The following TFEC variants were observed in gnomAD, a reference collection of about 807,000 sequenced individuals.
The protein encoded by TFEC is class E basic helix-loop-helix protein 34.
Under a neutral mutation model 41.6 loss-of-function variants are expected in TFEC, and 31 were observed. The ratio of observed to expected loss-of-function variants is 0.74; its 90% CI spans 0.56 to 1.01. TFEC has a LOEUF of 1.01. TFEC is among the 50% of genes least tolerant of loss of function. The pLI, the probability that TFEC is intolerant of heterozygous loss-of-function variation, is 0.00. For synonymous variants in TFEC, 143 were observed against 140.6 expected, an observed-to-expected ratio of 1.02 and a Z score of -0.12; for missense variants, 402 against 404.1, an observed-to-expected ratio of 0.99 and a Z score of 0.04.
intron 1 of TFEC, among the ~76,000 whole-genome samples, chr7:116,114,460 A>T (rs931891334): frequency 6.6e-6 from 1 of 152,034 alleles, no homozygotes; most frequent in Non-Finnish European, 1.5e-5. Flanking sequence ...GCCCATGACA[A>T]TTTGCAAAGG....
intron 1 of TFEC, among the ~76,000 whole-genome samples, chr7:116,144,208 T>C (rs1237344075): frequency 7.8e-6 from 1 of 128,230 alleles, no homozygotes; most frequent in Non-Finnish European, 1.6e-5. Context: ...AGAGTGAGAC[T>C]CCATCAAAAA....
chr7:116,133,229 A>T (rs980120624), intron 1 of TFEC, among the ~76,000 whole-genome samples: 19 of 146,600 alleles, frequency 1.3e-4, no homozygotes, highest in Non-Finnish European at 1.8e-4. Flanking sequence ...CGTGTTATGT[A>T]CCAAACGAAA....
At chr7:116,148,069 G>T (rs1041540764) in intron 1 of TFEC, among the ~76,000 whole-genome samples, 1 of 152,196 alleles carries the variant, frequency 6.6e-6, no homozygotes, top group Non-Finnish European at 1.5e-5. Flanking sequence ...GATTCATAAA[G>T]AAGGCGAGAT....
chr7:115,967,253 T>C (rs1382140681), intron 3 of TFEC, among the ~76,000 whole-genome samples: 1 of 151,730 alleles, frequency 6.6e-6, no homozygotes, highest in Non-Finnish European at 1.5e-5. Context: ...ATATATTTAA[T>C]ATGAGTGTCA....
intron 1 of TFEC, among the ~76,000 whole-genome samples, chr7:116,004,651 C>T (rs140830283): frequency 6.8e-4 from 103 of 152,178 alleles, no homozygotes; most frequent in African/African-American, 2.4e-3. Context: ...ATGCTTAGAT[C>T]CATTAACCAA....
At chr7:116,035,781 A>G (rs1472456181), upstream of TFEC, among the ~76,000 whole-genome samples, 1 of 152,046 alleles carries the variant, frequency 6.6e-6, no homozygotes, top group Non-Finnish European at 1.5e-5. Context: ...TTCTTAATAA[A>G]CACTTTTAGG....
intron 3 of TFEC, among the ~76,000 whole-genome samples, chr7:115,965,009 G>T (rs889471928): frequency 6.6e-6 from 1 of 151,598 alleles, no homozygotes; most frequent in Non-Finnish European, 1.5e-5. Flanking sequence ...GTTGTCAAGT[G>T]TGGTAACAAC....
rs118124221 is a variant in TFEC at position 115,966,827 on chromosome 7, C to T, written c.267+7343G>A. On this transcript the variant is annotated intron_variant, in intron 3 of 7. Coordinates refer to ENST00000265440, the MANE Select transcript of TFEC (RefSeq NM_012252.4). ...TGTCCCCATTCCTTCAATAAGCATCCAAATCTAAGGCTCAACGTTGGGAAA... is the reference window on the plus strand; with the variant it reads ...TGTCCCCATTCCTTCAATAAGCATCTAAATCTAAGGCTCAACGTTGGGAAA... Among the ~76,000 whole-genome samples the T allele has an allele frequency of 1.7e-3, 258 of 151,858 alleles. 9 individuals are homozygous for T. The East Asian group carries it at 0.039, about 23-fold the overall frequency.
At chr7:116,153,415 C>A (rs1029981497) in intron 1 of TFEC, among the ~76,000 whole-genome samples, 1 of 152,022 alleles carries the variant, frequency 6.6e-6, no homozygotes, top group Non-Finnish European at 1.5e-5. Flanking sequence ...CCACCATGTC[C>A]GGCTAATTTT....
At chr7:116,153,304 G>C (rs1487244550) in intron 1 of TFEC, among the ~76,000 whole-genome samples, 4 of 152,164 alleles carry the variant, frequency 2.6e-5, no homozygotes, top group Non-Finnish European at 5.9e-5. Context: ...TGCCCAGACT[G>C]GAGTGCACTG....
chr7:116,109,605 G>C (rs565250634), intron 3 of TFEC, among the ~76,000 whole-genome samples: 1 of 152,274 alleles, frequency 6.6e-6, no homozygotes, highest in Admixed American at 6.5e-5. Flanking sequence ...GGAGAAATAG[G>C]AACACTTTTA....
chr7:116,139,989 G>C (rs988847618), intron 1 of TFEC, among the ~76,000 whole-genome samples: 3 of 152,208 alleles, frequency 2.0e-5, no homozygotes, highest in South Asian at 2.1e-4. Flanking sequence ...CAAAGCAAAA[G>C]GGAGCACCAT....
intron 1 of TFEC, among the ~76,000 whole-genome samples, chr7:116,133,287 T>C (rs1301652062): frequency 5.9e-5 from 9 of 152,150 alleles, no homozygotes; most frequent in Non-Finnish European, 1.2e-4. Context: ...CGGTGGTTCA[T>C]GCCTGTAATC....
rs201525805 is a variant in TFEC at position 116,140,553 on chromosome 7, AATAAC to A, written c.-69+19232_-69+19236del. Among the ~76,000 whole-genome samples, 121 of 152,358 alleles carry A rather than the reference AATAAC, an allele frequency of 7.9e-4. No homozygotes were observed. The East Asian group carries it at 0.016, about 20-fold the overall frequency. On this transcript the variant is annotated intron_variant, in intron 1 of 8. Coordinates refer to the TFEC transcript ENST00000484212. Reference sequence around the variant, plus strand: ...TTCAAAGTATTACATCATTAAAACTAATAACAAAACAGATATGTGTATTATAAACT... The same window carrying A: ...TTCAAAGTATTACATCATTAAAACTAAAAACAGATATGTGTATTATAAACT...
At position 115,940,671 on chromosome 7, in the gene TFEC, T is replaced by G. The variant is rs372140862; in HGVS notation, c.924A>C (p.Leu308=). The change falls in exon 8 of 8, where the codon CTA becomes CTC. Residue 308 remains leucine, a synonymous_variant. Transcript: ENST00000265440. The stretch of plus-strand genomic sequence containing the variant: ...CAAATGGAGAGATTGTGTCATCCAA[T>G]AGCATGCCATCCAATCTTTGTTCCT... The part of the protein sequence containing the change: ...LKEEQRLDGM[L]LDDTISPFGT... The G allele has an allele frequency of 6.2e-7, 1 of 1,613,592 alleles. No homozygotes were observed. The highest frequency in any genetic ancestry group is 8.5e-7 in the Non-Finnish European group (1 of 1,179,630).
chr7:116,061,713 G>C (rs1212034253), intron 3 of TFEC, among the ~76,000 whole-genome samples: 1 of 151,894 alleles, frequency 6.6e-6, no homozygotes, highest in Non-Finnish European at 1.5e-5. Context: ...AGTTGATGAG[G>C]GTGTATATTC....
At chr7:116,062,161 A>G (rs57849802) in intron 3 of TFEC, among the ~76,000 whole-genome samples, 35,446 of 145,504 alleles carry the variant, frequency 0.24, 4,396 homozygotes, top group East Asian at 0.4. Flanking sequence ...CCCAGGTTCA[A>G]GTGATTCTTG....
At chr7:116,119,759 C>A (rs1290493131) in intron 1 of TFEC, among the ~76,000 whole-genome samples, 1 of 151,468 alleles carries the variant, frequency 6.6e-6, no homozygotes, top group Non-Finnish European at 1.5e-5. Context: ...TTTTTTAAAT[C>A]TAAAGAGTTA....
rs1055805402 is a variant in TFEC, at chr7:116,078,053, G to C, written c.198+32655C>G. On this transcript the variant is annotated intron_variant, in intron 3 of 8. Transcript: ENST00000484212. ...ACAAAACAACTATCAGTAAATTTAAGAAAATCAAAATTATATCAAATACTC... is the reference window on the plus strand; with the variant it reads ...ACAAAACAACTATCAGTAAATTTAACAAAATCAAAATTATATCAAATACTC... Among the ~76,000 whole-genome samples, 8 of 151,976 alleles carry C rather than the reference G, an allele frequency of 5.3e-5. No individual in the cohort carries two copies. The South Asian group carries it at 1.7e-3, about 31-fold the overall frequency.
Sources: gnomAD v4.1 joint callset for allele counts (sites outside exome capture counted in the v4.1 genomes callset) on GRCh38, gnomAD v4.1.1 for gene constraint, MANE v1.5 for transcripts, NCBI Gene and HGNC (gene_info 2026-07-23, HGNC 2026-07-21) for gene names.